DPYS: variants seen among roughly 807,000 people sequenced by gnomAD.
DPYS encodes the protein dihydropyrimidinase.
In DPYS, 39 loss-of-function variants were observed where a neutral mutation model predicts 50.3. The observed-to-expected ratio is 0.78, with a 90% CI of 0.60 to 1.01. DPYS has a LOEUF of 1.01. Among genes scored for constraint, DPYS ranks in the 50% least tolerant of loss-of-function variants. The probability of loss-of-function intolerance (pLI) is 0.00; values close to 1 mark genes in which losing one functional copy is unlikely to be tolerated. For missense variants in DPYS, 659 were observed against 680.9 expected, an observed-to-expected ratio of 0.97 and a Z score of 0.36; for synonymous variants, 245 against 250.7, an observed-to-expected ratio of 0.98 and a Z score of 0.22.
intron 7 of DPYS, among the ~76,000 whole-genome samples, chr8:104,417,266 G>T (rs1588425846): frequency 6.6e-6 from 1 of 152,160 alleles, no homozygotes. Flanking sequence ...TACTGAAAAG[G>T]GACAGTTACC....
intron 4 of DPYS, among the ~76,000 whole-genome samples, 164 bp downstream of exon 4, chr8:104,444,084 G>A (rs536104233): frequency 1.3e-5 from 2 of 152,314 alleles, no homozygotes; most frequent in Admixed American, 1.3e-4. Context: ...GTGGAAAACA[G>A]ACACACATAA....
At position 104,433,226 on chromosome 8, in the gene DPYS, T is replaced by C. The variant is rs554087266; in HGVS notation, c.794-3525A>G. On this transcript the variant is annotated intron_variant, in intron 4 of 9. Transcript: ENST00000351513. Reference sequence around the variant, plus strand: ...ACTGTGAGAAAATAAATTCCTGTTGTTTAAGCGGCCCAGTCTGTGGCACTT... The same window carrying C: ...ACTGTGAGAAAATAAATTCCTGTTGCTTAAGCGGCCCAGTCTGTGGCACTT... 1.1e-3 allele frequency among the ~76,000 whole-genome samples: 166 copies of C among 152,322 alleles called. 1 individual carries two copies. The highest frequency in any genetic ancestry group is 3.8e-3 in the African/African-American group (157 of 41,570).
chr8:104,454,419 A>G lies in DPYS; in HGVS notation c.265-3015T>C, dbSNP rs375872510. On this transcript the variant is annotated intron_variant, in intron 1 of 9. Transcript: ENST00000351513. The stretch of plus-strand genomic sequence containing the variant: ...ACAAACAAAACAAAAAGTATTCTAC[A>G]ATTGATTGTGGTGATGCTTGCACAA... Among the ~76,000 whole-genome samples, 18 of 152,314 alleles carry G rather than the reference A, an allele frequency of 1.2e-4. No homozygotes were observed. In the South Asian group the frequency reaches 3.7e-3, roughly 32 times the overall value.
chr8:104,409,914 T>C (rs890953207), intron 7 of DPYS, among the ~76,000 whole-genome samples: 2 of 152,222 alleles, frequency 1.3e-5, no homozygotes, highest in Non-Finnish European at 2.9e-5. Context: ...AGTTGCCTAA[T>C]TTGGCTCTAA....
In DPYS at chr8:104,405,791, C is replaced by T. The variant is rs181206636; in HGVS notation, c.1236-12800G>A. ...ACTGCAGACCTCGAAACTGACTCAG[C>T]TTCACCAGGGAGCACGCCTGAGGAC... On this transcript the variant is annotated intron_variant, in intron 7 of 9. Transcript: ENST00000351513. Among the ~76,000 whole-genome samples the T allele has an allele frequency of 5.8e-3, 878 of 152,326 alleles. 7 individuals are homozygous for T. Among genetic ancestry groups the T allele is most frequent in the Non-Finnish European group, 8.9e-3 (608 of 68,028 alleles).
intron 1 of DPYS, among the ~76,000 whole-genome samples, chr8:104,457,341 G>A (rs1423396639): frequency 6.6e-6 from 1 of 152,182 alleles, no homozygotes; most frequent in South Asian, 2.1e-4. Context: ...AGGCAGGATG[G>A]AGCAGGATGT....
intron 7 of DPYS, among the ~76,000 whole-genome samples, chr8:104,414,796 T>A (rs1414595636): frequency 2.0e-5 from 3 of 152,194 alleles, no homozygotes; most frequent in Non-Finnish European, 4.4e-5. Flanking sequence ...GCCATAATTT[T>A]AAAATAACTG....
At chr8:104,441,532 G>A (rs1183992355) in intron 4 of DPYS, among the ~76,000 whole-genome samples, 1 of 152,196 alleles carries the variant, frequency 6.6e-6, no homozygotes. Flanking sequence ...GAAAGAGAGA[G>A]GCAAAGAGGT....
At chr8:104,445,070 C>A (rs1226263070) in intron 3 of DPYS, among the ~76,000 whole-genome samples, 1 of 152,184 alleles carries the variant, frequency 6.6e-6, no homozygotes, top group East Asian at 1.9e-4. Flanking sequence ...GAGATATCAT[C>A]TCACCCCAGT....
chr8:104,408,813 T>C (rs1812080617), intron 7 of DPYS, among the ~76,000 whole-genome samples: 1 of 141,982 alleles, frequency 7.0e-6, no homozygotes, highest in South Asian at 2.2e-4. Flanking sequence ...CATGTTTTTT[T>C]GTTTGTTTTT....
rs1246253038 is a variant in DPYS, at chr8:104,466,960, C to A, written c.-40G>T. 7.2e-7 allele frequency: 1 copy of A among 1,387,876 alleles called. No homozygotes were observed. The highest frequency in any genetic ancestry group is 3.2e-5 in the Admixed American group (1 of 31,018). The allele number at this position is 1,387,876 out of a possible 1,614,324, so 86.0% of individuals were successfully genotyped here. On this transcript the variant is annotated 5_prime_UTR_variant, in exon 1 of 10. Coordinates refer to ENST00000351513, the MANE Select transcript of DPYS (RefSeq NM_001385.3). ...GGGGTCCTACTCGGCCCGGGCTGCGCGCAGGGGCTGGGTTGGGCGGGCCGG... is the reference window on the plus strand; with the variant it reads ...GGGGTCCTACTCGGCCCGGGCTGCGAGCAGGGGCTGGGTTGGGCGGGCCGG...
chr8:104,385,658 T>C (rs1811189583), intron 8 of DPYS, among the ~76,000 whole-genome samples: 1 of 152,202 alleles, frequency 6.6e-6, no homozygotes, highest in Non-Finnish European at 1.5e-5. Context: ...ATTGTAACAG[T>C]ATTAAGAGGT....
chr8:104,393,856 CGTGA>C lies in DPYS; in HGVS notation c.1236-869_1236-866del, dbSNP rs796944956. ...TTGGGGAACAGGTGGTATTTGGTTA[CGTGA>C]GTAAGTTCTTTAGTGGTGATTTGTG... On this transcript the variant is annotated intron_variant, in intron 7 of 9. Coordinates refer to ENST00000351513, the MANE Select transcript of DPYS (RefSeq NM_001385.3). Among the ~76,000 whole-genome samples the C allele has an allele frequency of 1.2e-4, 18 of 152,214 alleles. 1 individual carries two copies. The highest frequency in any genetic ancestry group is 4.3e-4 in the African/African-American group (18 of 41,532).
At chr8:104,409,232 C>A (rs1010986775) in intron 7 of DPYS, among the ~76,000 whole-genome samples, 1 of 151,926 alleles carries the variant, frequency 6.6e-6, no homozygotes, top group African/African-American at 2.4e-5. Context: ...TGCCTATAAT[C>A]CCAGCACTTT....
At chr8:104,434,738 C>A (rs150413626) in intron 4 of DPYS, among the ~76,000 whole-genome samples, 1 of 152,118 alleles carries the variant, frequency 6.6e-6, no homozygotes, top group Admixed American at 6.5e-5. Context: ...GAGCACAGTA[C>A]CTAGCATGCG....
At chr8:104,399,287 T>A (rs1324321506) in intron 7 of DPYS, among the ~76,000 whole-genome samples, 8 of 46,584 alleles carry the variant, frequency 1.7e-4, no homozygotes, top group East Asian at 1.5e-3. Context: ...TGAGACTCCA[T>A]CTCAAAAAAA....
intron 7 of DPYS, among the ~76,000 whole-genome samples, chr8:104,408,947 C>T (rs1051150388): frequency 2.6e-5 from 4 of 151,438 alleles, no homozygotes; most frequent in East Asian, 2.0e-4. Context: ...CCAGGTAGCT[C>T]GGATTACAGG....
intron 4 of DPYS, among the ~76,000 whole-genome samples, chr8:104,431,605 A>C (rs1025557423): frequency 3.3e-5 from 5 of 152,164 alleles, no homozygotes; most frequent in Admixed American, 1.3e-4. Context: ...TTGGATAATC[A>C]AACTGGATAA....
intron 8 of DPYS, among the ~76,000 whole-genome samples, chr8:104,383,244 C>T (rs114877460): frequency 0.01 from 1,596 of 152,256 alleles, 42 homozygotes; most frequent in African/African-American, 0.037. Flanking sequence ...GCTGGGCTGC[C>T]GCTTTCATTT....
Sources: gnomAD v4.1 joint callset for allele counts (sites outside exome capture counted in the v4.1 genomes callset) on GRCh38, gnomAD v4.1.1 for gene constraint, MANE v1.5 for transcripts, NCBI Gene and HGNC (gene_info 2026-07-23, HGNC 2026-07-21) for gene names.